The following PARG variants were observed in gnomAD, a reference collection of about 807,000 sequenced individuals.
PARG encodes mitochondrial poly(ADP-ribose) glycohydrolase.
Under a neutral mutation model 113.0 loss-of-function variants are expected in PARG, and 35 were observed. The ratio of observed to expected loss-of-function variants is 0.31; its 90% CI spans 0.24 to 0.41. PARG has a LOEUF of 0.41. Among genes scored for constraint, PARG ranks in the 10% least tolerant of loss-of-function variants. PARG has a pLI of 1.00. For missense variants in PARG, 797 were observed against 1,169.4 expected, an observed-to-expected ratio of 0.68 and a Z score of 4.64; for synonymous variants, 330 against 409.9, an observed-to-expected ratio of 0.81 and a Z score of 2.36.
At chr10:49,823,462 G>C (rs1296593925) in intron 16 of PARG, among the ~76,000 whole-genome samples, 1 of 151,978 alleles carries the variant, frequency 6.6e-6, no homozygotes, top group African/African-American at 2.4e-5. Context: ...TATTTATTGA[G>C]TACCCACAAC....
chr10:49,899,697 AGGTGGTGTGAAAG>A (rs1848262206), intron 7 of PARG, among the ~76,000 whole-genome samples: 1 of 152,064 alleles, frequency 6.6e-6, no homozygotes, highest in South Asian at 2.1e-4. Flanking sequence ...GCAGAGGGCA[AGGTGGTGTGAAAG>A]GCTGAGTCCA....
At chr10:49,930,223 G>C (rs1838417694) in intron 4 of PARG, among the ~76,000 whole-genome samples, 2 of 151,044 alleles carry the variant, frequency 1.3e-5, no homozygotes, top group Admixed American at 1.3e-4. Context: ...GTTTTTCACT[G>C]TTAAAAATAT....
rs3106103 is a variant in PARG at position 49,918,394 on chromosome 10, T to G, written c.1663-2403A>C. ...TTAGCATTAAGCTTTAGCTTGTATT[T>G]ATTTTTACTTCAGTCTTCAAGTCTC... On this transcript the variant is annotated intron_variant, in intron 6 of 17. Coordinates refer to ENST00000616448, the MANE Select transcript of PARG (RefSeq NM_003631.5). 2.0e-5 allele frequency among the ~76,000 whole-genome samples: 3 copies of G among 152,242 alleles called. No homozygotes were observed. In the East Asian group the frequency reaches 5.8e-4, roughly 29 times the overall value.
chr10:49,926,163 T>C (rs377379624), intron 4 of PARG, among the ~76,000 whole-genome samples: 372 of 151,726 alleles, frequency 2.5e-3, no homozygotes, highest in East Asian at 8.1e-3. Flanking sequence ...GTATTGATAA[T>C]GCTTGGTACT....
At chr10:49,929,731 CAGG>C (rs1838394187) in intron 4 of PARG, among the ~76,000 whole-genome samples, 1 of 150,318 alleles carries the variant, frequency 6.7e-6, no homozygotes, top group South Asian at 2.1e-4. Flanking sequence ...GAGGCTGAGG[CAGG>C]AGAATTGCTT....
chr10:49,885,835 A>T (rs1338421831), intron 7 of PARG, among the ~76,000 whole-genome samples: 1 of 152,230 alleles, frequency 6.6e-6, no homozygotes, highest in Non-Finnish European at 1.5e-5. Flanking sequence ...TCTTTTCCAG[A>T]CACCCTTGGG....
chr10:49,918,918 T>C (rs1447257299), intron 6 of PARG, among the ~76,000 whole-genome samples: 1 of 152,188 alleles, frequency 6.6e-6, no homozygotes, highest in Non-Finnish European at 1.5e-5. Context: ...GCAGACTGTG[T>C]AAGTTAAAAC....
chr10:49,845,948 T>C (rs1222380116), intron 13 of PARG, among the ~76,000 whole-genome samples: 3 of 151,564 alleles, frequency 2.0e-5, no homozygotes, highest in East Asian at 1.9e-4. Flanking sequence ...CCTTTACTTG[T>C]AGACTTTGAT....
intron 7 of PARG, among the ~76,000 whole-genome samples, chr10:49,900,184 G>A (rs1848289605): frequency 6.6e-6 from 1 of 151,208 alleles, no homozygotes; most frequent in South Asian, 2.1e-4. Flanking sequence ...CAGGACGAAG[G>A]AGGAGGAATG....
At position 49,821,547 on chromosome 10, in the gene PARG, T is replaced by G. The variant is rs182951527; in HGVS notation, c.2648-1254A>C. On this transcript the variant is annotated intron_variant, in intron 16 of 17. Transcript: ENST00000616448. Reference sequence around the variant, plus strand: ...GGAGCCTGCCACCATACCTGGCTAATTTCTGTATTTTTAGTAAAGACACGG... The same window carrying G: ...GGAGCCTGCCACCATACCTGGCTAAGTTCTGTATTTTTAGTAAAGACACGG... Among the ~76,000 whole-genome samples, 189 of 152,118 alleles carry G rather than the reference T, an allele frequency of 1.2e-3. 1 individual carries two copies. Among genetic ancestry groups the G allele is most frequent in the African/African-American group, 4.3e-3 (179 of 41,520 alleles).
In PARG at chr10:49,932,270, C is replaced by G. The variant is rs1838530198; in HGVS notation, c.1285G>C (p.Glu429Gln). The G allele has an allele frequency of 6.4e-7, 1 of 1,573,908 alleles. No individual in the cohort carries two copies. Among genetic ancestry groups the G allele is most frequent in the African/African-American group, 1.3e-5 (1 of 74,134 alleles). The change falls in exon 4 of 18, where the codon GAA becomes CAA. Residue 429 changes from glutamate to glutamine, a missense_variant. Coordinates refer to ENST00000616448, the MANE Select transcript of PARG (RefSeq NM_003631.5). ...KAEDRRKEQW[E>Q]TKHQRTERKI... ...CTTTCTGTTCTTTGATGTTTGGTTT[C>G]CCACTGTTCTTTTCTAAGGTCAAGA... is the stretch of plus-strand genomic sequence containing the variant.
chr10:49,889,296 T>C (rs1847653483), intron 7 of PARG, among the ~76,000 whole-genome samples: 1 of 152,192 alleles, frequency 6.6e-6, no homozygotes, highest in Admixed American at 6.5e-5. Flanking sequence ...TATAAATCTT[T>C]AGATCTTATT....
chr10:49,920,463 A>AAAAAAAAAAAAAATATATAT (rs1431747248), intron 6 of PARG, among the ~76,000 whole-genome samples: 1 of 47,988 alleles, frequency 2.1e-5, no homozygotes, highest in African/African-American at 5.0e-5. Context: ...AAAAAAAAAA[A>AAAAAAAAAAAAAATATATAT]ATATATATAT....
intron 10 of PARG, among the ~76,000 whole-genome samples, chr10:49,866,353 T>C (rs1197631089): frequency 6.6e-6 from 1 of 151,946 alleles, no homozygotes; most frequent in Non-Finnish European, 1.5e-5. Context: ...CTGTGCACAA[T>C]TCCACATTTC....
intron 1 of PARG, among the ~76,000 whole-genome samples, chr10:49,940,652 G>A (rs1194309602): frequency 1.2e-4 from 18 of 152,172 alleles, no homozygotes; most frequent in South Asian, 1.0e-3. Context: ...TCAGCCTCCC[G>A]AGTAGCTGGG....
intron 4 of PARG, among the ~76,000 whole-genome samples, chr10:49,927,263 C>T (rs1377179463): frequency 1.3e-5 from 2 of 150,270 alleles, no homozygotes; most frequent in Admixed American, 6.6e-5. Flanking sequence ...GCTGAGATTG[C>T]GCCACTGCAC....
Position 49,933,695 on chromosome 10 carries a change from C to G in PARG, c.753G>C (p.Gln251His). The G allele has an allele frequency of 6.2e-7, 1 of 1,611,688 alleles. No homozygotes were observed. Among genetic ancestry groups the G allele is most frequent in the South Asian group, 1.1e-5 (1 of 91,032 alleles). The stretch of plus-strand genomic sequence containing the variant: ...CTGGCACCACATCTATCTCATCTTG[C>G]TGACAACTTGCACAGTCTTCCCCAG... ...CDPGEDCASC[Q>H]QDEIDVVPES... Residue 251 changes from glutamine (Q) to histidine (H), a missense_variant, in exon 3 of 18, where the codon CAG (glutamine) becomes CAC (histidine). Physicochemically the swap from Gln to His is conservative, Grantham distance 24 (BLOSUM62 0). Coordinates refer to ENST00000616448, the MANE Select transcript of PARG (RefSeq NM_003631.5).
intron 7 of PARG, among the ~76,000 whole-genome samples, chr10:49,893,221 T>C (rs1847899049): frequency 6.6e-6 from 1 of 152,178 alleles, no homozygotes; most frequent in African/African-American, 2.4e-5. Flanking sequence ...GAGTTGCAAC[T>C]GCTCCATATC....
In PARG at chr10:49,819,232, A is replaced by G. The variant is rs1843944092; in HGVS notation, c.*108T>C. On this transcript the variant is annotated 3_prime_UTR_variant, in exon 18 of 18. Transcript: ENST00000616448. ...ATTGCGTCCTTGACTACAAATGTGG[A>G]TTATGTACACATTTATATTAACTTA... The G allele has an allele frequency of 1.1e-6, 1 of 891,210 alleles. No individual in the cohort carries two copies. 55.2% of individuals were successfully genotyped at this position (891,210 alleles called of 1,614,324 possible). A position where few individuals can be genotyped will look rare whatever the true frequency, so the allele number is the denominator to read the frequency against.
Sources: allele counts gnomAD v4.1 joint callset (sites outside exome capture counted in the v4.1 genomes callset), GRCh38; gene constraint gnomAD v4.1.1; transcripts MANE v1.5; gene names NCBI Gene and HGNC (gene_info 2026-07-23, HGNC 2026-07-21).